The following DYNC2I2 variants were observed in gnomAD, a reference collection of about 807,000 sequenced individuals.
DYNC2I2 encodes dynein 2 intermediate chain 2.
Under a neutral mutation model 52.0 loss-of-function variants are expected in DYNC2I2, and 39 were observed. The ratio of observed to expected loss-of-function variants is 0.75; its 90% confidence interval spans 0.58 to 0.98. The LOEUF is 0.98. DYNC2I2 is among the 50% of genes least tolerant of loss of function. The pLI is 0.00. For synonymous variants in DYNC2I2, 359 were observed against 321.1 expected (o/e 1.12, Z -1.26); for missense variants, 743 against 728.4 (o/e 1.02, Z -0.23).
upstream of DYNC2I2, among the ~76,000 whole-genome samples, chr9:128,658,997 C>G (rs1327198725): frequency 2.6e-5 from 4 of 151,820 alleles, no homozygotes; most frequent in Non-Finnish European, 5.9e-5. Context: ...TCCCAAAGTG[C>G]TGGGAATACA....
chr9:128,637,441 A>G (rs1244685690), intron 2 of DYNC2I2, among the ~76,000 whole-genome samples: 1 of 152,094 alleles, frequency 6.6e-6, no homozygotes, highest in Admixed American at 6.5e-5. Context: ...TGTGGTGGTT[A>G]GTTGGTTGGT....
chr9:128,666,438 A>G, the DYNC2I2 span, among the ~76,000 whole-genome samples: 1 of 151,622 alleles, frequency 6.6e-6, no homozygotes, highest in African/African-American at 2.4e-5. Flanking sequence ...TACAAAATTA[A>G]TTCAGGTTGG....
the DYNC2I2 span, among the ~76,000 whole-genome samples, chr9:128,671,813 G>A: frequency 2.7e-5 from 4 of 150,436 alleles, no homozygotes; most frequent in East Asian, 2.0e-4. Context: ...CACCATGCCC[G>A]GCTAATTTTT....
chr9:128,642,858 T>C lies in DYNC2I2; in HGVS notation c.187-1919A>G, dbSNP rs902549181. Among the ~76,000 whole-genome samples, 4 of 152,102 alleles carry C rather than the reference T, an allele frequency of 2.6e-5. No individual in the cohort carries two copies. In the South Asian group the frequency reaches 8.3e-4, roughly 32 times the overall value. On this transcript the variant is annotated intron_variant, in intron 1 of 8. Transcript: ENST00000372715. The stretch of plus-strand genomic sequence containing the variant: ...GCAAGATTCTTGTGCCCCAGGCGCT[T>C]ACATAGGGGTGGGGAGAGATGAATA...
chr9:128,658,025 T>C (rs990764709), upstream of DYNC2I2, among the ~76,000 whole-genome samples: 4 of 152,014 alleles, frequency 2.6e-5, no homozygotes, highest in African/African-American at 9.7e-5. Context: ...TCAGGGAAAT[T>C]GAGGCTGCAG....
upstream of DYNC2I2, among the ~76,000 whole-genome samples, chr9:128,660,140 G>C (rs578223711): frequency 2.0e-5 from 3 of 151,040 alleles, no homozygotes; most frequent in South Asian, 2.1e-4. Flanking sequence ...ACGGAGTCTC[G>C]CTCTGTCGCC....
chr9:128,671,355 G>A, the DYNC2I2 span, among the ~76,000 whole-genome samples: 1 of 148,796 alleles, frequency 6.7e-6, no homozygotes, highest in Non-Finnish European at 1.5e-5. Context: ...AGGCTGCAGT[G>A]AAGTGACTTG....
At position 128,634,110 on chromosome 9, in the gene DYNC2I2, G is replaced by C. The variant is rs1278436733; in HGVS notation, c.1372+116C>G. The C allele has an allele frequency of 2.6e-6, 4 of 1,557,752 alleles. No homozygotes were observed. In the African/African-American group the frequency reaches 5.4e-5, roughly 21 times the overall value. ...AGTGGCTTTGAGTTGGGTTGCTGGA[G>C]GGAAGCCGTCCTTACCCCCATGTGT... On this transcript the variant is annotated intron_variant, in intron 8 of 8. Coordinates refer to ENST00000372715, the MANE Select transcript of DYNC2I2 (RefSeq NM_052844.4).
chr9:128,663,966 T>C, the DYNC2I2 span, among the ~76,000 whole-genome samples: 2 of 148,364 alleles, frequency 1.3e-5, no homozygotes. Flanking sequence ...TTTTTTTTTT[T>C]TTTTTTTTGA....
At chr9:128,673,620 C>G in the DYNC2I2 span, among the ~76,000 whole-genome samples, 1 of 151,658 alleles carries the variant, frequency 6.6e-6, no homozygotes, top group Non-Finnish European at 1.5e-5. Flanking sequence ...ATTCTCCTGC[C>G]TCAGCCTCCC....
At chr9:128,635,455 C>G in intron 5 of DYNC2I2, 196 bp from the exon 6 acceptor site, 1 of 805,022 alleles carries the variant, frequency 1.2e-6, no homozygotes, top group Non-Finnish European at 1.9e-6. Context: ...GCGCTGCTCA[C>G]TCGGTGCCTG....
chr9:128,640,350 C>G (rs1026794854), intron 2 of DYNC2I2, among the ~76,000 whole-genome samples: 2 of 152,170 alleles, frequency 1.3e-5, no homozygotes, highest in Admixed American at 6.6e-5. Context: ...AAAGAAGGCC[C>G]TCACTGCACC....
the DYNC2I2 span, among the ~76,000 whole-genome samples, chr9:128,681,216 G>A: frequency 2.7e-4 from 41 of 151,834 alleles, no homozygotes. Flanking sequence ...TCAGCCTCCC[G>A]AGTAGCTGGG....
the DYNC2I2 span, among the ~76,000 whole-genome samples, chr9:128,668,003 C>T: frequency 1.6e-5 from 2 of 124,544 alleles, no homozygotes; most frequent in African/African-American, 6.7e-5. Context: ...GCTCTGTCAC[C>T]AGGCTGGAGT....
At chr9:128,681,773 C>A in the DYNC2I2 span, among the ~76,000 whole-genome samples, 2 of 152,114 alleles carry the variant, frequency 1.3e-5, no homozygotes, top group Non-Finnish European at 2.9e-5. Flanking sequence ...AGACAAGCGG[C>A]TTTCTAAAAA....
At chr9:128,659,707 G>GT (rs1267157462), upstream of DYNC2I2, among the ~76,000 whole-genome samples, 2 of 151,722 alleles carry the variant, frequency 1.3e-5, no homozygotes, top group African/African-American at 4.8e-5. Context: ...TCAGGAGTTC[G>GT]AGACCAGCCT....
At chr9:128,681,183 C>T in the DYNC2I2 span, among the ~76,000 whole-genome samples, 4 of 150,616 alleles carry the variant, frequency 2.7e-5, no homozygotes, top group Admixed American at 1.3e-4. Flanking sequence ...CTCAGCCTCC[C>T]GGGTTCAAGT....
intron 1 of DYNC2I2, among the ~76,000 whole-genome samples, chr9:128,642,627 C>T (rs895025784): frequency 2.0e-5 from 3 of 151,406 alleles, no homozygotes; most frequent in Non-Finnish European, 2.9e-5. Context: ...AAAAATTAGC[C>T]GGGCATGGTC....
the DYNC2I2 span, among the ~76,000 whole-genome samples, chr9:128,668,304 G>A: frequency 3.6e-5 from 5 of 138,812 alleles, no homozygotes; most frequent in Non-Finnish European, 8.4e-5. Context: ...CCGCCTCCCA[G>A]AGTGCTGGGA....
Sources: gnomAD v4.1 joint callset for allele counts (sites outside exome capture counted in the v4.1 genomes callset) on GRCh38, gnomAD v4.1.1 for gene constraint, MANE v1.5 for transcripts, NCBI Gene and HGNC (gene_info 2026-07-23, HGNC 2026-07-21) for gene names.